The following RGSL1 variants were observed in gnomAD, a reference collection of about 807,000 sequenced individuals.
RGSL1 encodes regulator of G protein signaling protein-like.
A neutral mutation model predicts 124.7 loss-of-function variants in RGSL1; 97 were observed. The ratio of observed to expected loss-of-function variants is 0.78; its 90% CI spans 0.66 to 0.92. The LOEUF is 0.92. Among genes scored for constraint, RGSL1 ranks in the 40% least tolerant of loss-of-function variants. The probability of loss-of-function intolerance (pLI) is 0.00; values close to 1 mark genes in which losing one functional copy is unlikely to be tolerated. For missense variants in RGSL1, 1,233 were observed against 1,288.4 expected (o/e 0.96, Z 0.66); for synonymous variants, 424 against 438.1 (o/e 0.97, Z 0.40).
chr1:182,526,171 A>G (rs1658727087), intron 10 of RGSL1, among the ~76,000 whole-genome samples: 1 of 152,242 alleles, frequency 6.6e-6, no homozygotes, highest in Non-Finnish European at 1.5e-5. Context: ...AGGATAAATA[A>G]TGTCAATATT....
intron 9 of RGSL1, among the ~76,000 whole-genome samples, chr1:182,504,472 CTTTTTTTTTTTTT>C (rs60918424): frequency 2.7e-4 from 16 of 59,496 alleles, no homozygotes; most frequent in Non-Finnish European, 4.3e-4. Flanking sequence ...ATGAGCCATA[CTTTTTTTTTTTTT>C]TTTTTTTTTT....
chr1:182,465,213 G>A (rs558123786), intron 4 of RGSL1, among the ~76,000 whole-genome samples: 2 of 151,986 alleles, frequency 1.3e-5, no homozygotes, highest in East Asian at 3.9e-4. Context: ...AGGATTCCTA[G>A]AAACACAAAA....
intron 18 of RGSL1, among the ~76,000 whole-genome samples, chr1:182,553,029 C>T (rs1295486137): frequency 6.6e-6 from 1 of 152,200 alleles, no homozygotes; most frequent in African/African-American, 2.4e-5. Context: ...CTCAGCCTCT[C>T]AAGTAGCTGG....
Position 182,522,040 on chromosome 1 carries a change from T to G in RGSL1, c.1862T>G (p.Val621Gly). ...GAAATTATCAAGGAAACAAAGACAG[T>G]TTCACGCTCAAATAGGAAAATGTCC... ...KMEIIKETKT[V>G]SRSNRKMSLL... The change falls in exon 10 of 22, where the codon GTT (valine) becomes GGT (glycine). Residue 621 changes from valine to glycine, a missense_variant. Physicochemically the swap from Val to Gly is moderately radical, Grantham distance 109 (BLOSUM62 -3). Transcript: ENST00000294854. The G allele has an allele frequency of 6.5e-7, 1 of 1,548,878 alleles. No homozygotes were observed. Among genetic ancestry groups the G allele is most frequent in the Non-Finnish European group, 8.7e-7 (1 of 1,146,146 alleles).
In RGSL1 at chr1:182,510,656, T is replaced by C. The variant is rs1158499303; in HGVS notation, c.1826-11348T>C. Among the ~76,000 whole-genome samples the C allele has an allele frequency of 1.5e-4, 2 of 13,496 alleles. 1 individual carries two copies. Among genetic ancestry groups the C allele is most frequent in the East Asian group, 1.4e-3 (2 of 1,454 alleles). 8.9% of individuals were successfully genotyped at this position (13,496 alleles called of 152,430 possible). On this transcript the variant is annotated intron_variant, in intron 9 of 21. Coordinates refer to ENST00000294854, the MANE Select transcript of RGSL1 (RefSeq NM_001137669.2). ...TCGGCTCCACATGAGAGGGAGACCGTGGGGAGAGTGAGAGGGAGAGGGAGA... is the reference window on the plus strand; with the variant it reads ...TCGGCTCCACATGAGAGGGAGACCGCGGGGAGAGTGAGAGGGAGAGGGAGA...
intron 14 of RGSL1, among the ~76,000 whole-genome samples, 157 bp downstream of exon 14, chr1:182,532,948 C>T (rs1428784302): frequency 6.6e-6 from 1 of 152,004 alleles, no homozygotes; most frequent in Non-Finnish European, 1.5e-5. Flanking sequence ...CCAGGCCTTC[C>T]TAGAGAGGAT....
intron 14 of RGSL1, 70 bp from the exon 15 acceptor site, chr1:182,540,177 T>C: frequency 7.2e-7 from 1 of 1,395,760 alleles, no homozygotes; most frequent in Non-Finnish European, 9.5e-7. Context: ...CTTCTTTTTG[T>C]TATGCCCAGG....
At position 182,551,090 on chromosome 1, in the gene RGSL1, C is replaced by T. The variant is rs529344259; in HGVS notation, c.2934-10C>T. On this transcript the variant is annotated splice_polypyrimidine_tract_variant and intron_variant, in intron 17 of 21. Transcript: ENST00000294854. ...TTCCCTCCTATGACCAGAAGCCATTCTTCCCACAGGTTTTGTTTCTGGAAG... is the reference window on the plus strand; with the variant it reads ...TTCCCTCCTATGACCAGAAGCCATTTTTCCCACAGGTTTTGTTTCTGGAAG... 1.5e-5 allele frequency: 23 copies of T among 1,544,880 alleles called. No individual in the cohort carries two copies. In the South Asian group the frequency reaches 1.8e-4, roughly 12 times the overall value.
At position 182,473,861 on chromosome 1, in the gene RGSL1, A is replaced by C. The variant is rs992548980; in HGVS notation, c.750A>C (p.Lys250Asn). 1 of 1,551,820 alleles carries C rather than the reference A, an allele frequency of 6.4e-7. No homozygotes were observed. The highest frequency in any genetic ancestry group is 2.0e-5 in the Admixed American group (1 of 51,004). ...TTCAGAAACGGTACTCAAGCAGGAAAGCCAAGAGGAAGATGTGGCAATTGG... is the reference window on the plus strand; with the variant it reads ...TTCAGAAACGGTACTCAAGCAGGAACGCCAAGAGGAAGATGTGGCAATTGG... ...HHFQKRYSSRKAKRKMWQLVD... is the reference protein window; with the variant it reads ...HHFQKRYSSRNAKRKMWQLVD... The change falls in exon 6 of 22, where the codon AAA (lysine) becomes AAC (asparagine). Residue 250 changes from lysine to asparagine, a missense_variant. By Grantham distance (94) the Lys-to-Asn change is moderately conservative. Coordinates refer to ENST00000294854, the MANE Select transcript of RGSL1 (RefSeq NM_001137669.2).
At chr1:182,499,876 T>C (rs1558316209) in intron 9 of RGSL1, among the ~76,000 whole-genome samples, 3 of 152,182 alleles carry the variant, frequency 2.0e-5, no homozygotes, top group Admixed American at 1.3e-4. Flanking sequence ...GGCAACAAAT[T>C]CTCTTAGCAT....
intron 12 of RGSL1, 135 bp downstream of exon 12, chr1:182,530,496 C>T (rs1322700323): frequency 1.4e-6 from 1 of 726,754 alleles, no homozygotes; most frequent in African/African-American, 1.8e-5. Flanking sequence ...AAAATTCAAA[C>T]TTATCTTGAA....
chr1:182,469,112 G>C (rs1558249682), intron 4 of RGSL1, among the ~76,000 whole-genome samples: 2 of 152,198 alleles, frequency 1.3e-5, no homozygotes, highest in East Asian at 3.9e-4. Flanking sequence ...CATTGGATTT[G>C]GCAGTGATGT....
intron 3 of RGSL1, among the ~76,000 whole-genome samples, chr1:182,459,237 T>C (rs1215078068): frequency 2.0e-5 from 3 of 152,214 alleles, no homozygotes; most frequent in Non-Finnish European, 2.9e-5. Flanking sequence ...TCCCAATTTT[T>C]TTCTTTATGC....
chr1:182,551,630 C>T (rs1660570587), intron 18 of RGSL1, among the ~76,000 whole-genome samples: 2 of 152,186 alleles, frequency 1.3e-5, no homozygotes, highest in Admixed American at 1.3e-4. Flanking sequence ...GTGTTTTATA[C>T]ATATATAATT....
At position 182,459,981 on chromosome 1, in the gene RGSL1, T is replaced by C. The variant is rs564372823; in HGVS notation, c.172-23T>C. 2.4e-5 allele frequency: 37 copies of C among 1,544,612 alleles called. 5 individuals are homozygous for C. In the African/African-American group the frequency reaches 4.7e-4, roughly 20 times the overall value. On this transcript the variant is annotated intron_variant, in intron 3 of 21. Transcript: ENST00000294854. ...AGTTCGGTTTCACTTAGCATTTTTG[T>C]TTCTATTTTGCTTTGACTCTAGATT...
At chr1:182,558,452 C>G (rs1159304729) in intron 21 of RGSL1, among the ~76,000 whole-genome samples, 1 of 152,184 alleles carries the variant, frequency 6.6e-6, no homozygotes, top group Non-Finnish European at 1.5e-5. Flanking sequence ...GTCTGTAGGT[C>G]AGAAGTCTGA....
intron 13 of RGSL1, 45 bp downstream of exon 13, chr1:182,530,955 C>G: frequency 1.3e-6 from 2 of 1,527,638 alleles, no homozygotes; most frequent in Non-Finnish European, 1.8e-6. Flanking sequence ...GACAAGAAAA[C>G]CATCGTCTTG....
intron 4 of RGSL1, 59 bp from the exon 5 acceptor site, chr1:182,472,337 C>T: frequency 6.8e-7 from 1 of 1,460,278 alleles, no homozygotes; most frequent in Non-Finnish European, 9.2e-7. Context: ...CACCCAGATG[C>T]AACCACCAAA....
At chr1:182,511,429 G>C (rs1397529980) in intron 9 of RGSL1, among the ~76,000 whole-genome samples, 11 of 152,194 alleles carry the variant, frequency 7.2e-5, no homozygotes, top group Admixed American at 6.5e-4. Flanking sequence ...TTCCCTAAGA[G>C]CTGGGATTAC....
Sources: allele counts gnomAD v4.1 joint callset (sites outside exome capture counted in the v4.1 genomes callset), GRCh38; gene constraint gnomAD v4.1.1; transcripts MANE v1.5; gene names NCBI Gene and HGNC (gene_info 2026-07-23, HGNC 2026-07-21).